Variants in PRKAG2 observed in about 807,000 individuals in gnomAD.
PRKAG2 encodes protein kinase AMP-activated non-catalytic subunit gamma 2, also known as 5'-AMP-activated protein kinase subunit gamma-2.
A neutral mutation model predicts 69.6 loss-of-function variants in PRKAG2; 26 were observed. The ratio of observed to expected loss-of-function variants is 0.37; its 90% CI spans 0.27 to 0.52. The LOEUF is 0.52. Among genes scored for constraint, PRKAG2 ranks in the 20% least tolerant of loss-of-function variants. The pLI, the probability that PRKAG2 is intolerant of heterozygous loss-of-function variation, is 0.90. For synonymous variants in PRKAG2, 293 were observed against 285.0 expected (o/e 1.03, Z -0.28); for missense variants, 557 against 740.0 (o/e 0.75, Z 2.87).
chr7:151,702,730 T>C (rs1390817737), intron 3 of PRKAG2, among the ~76,000 whole-genome samples: 1 of 152,298 alleles, frequency 6.6e-6, no homozygotes, highest in Admixed American at 6.5e-5. Flanking sequence ...GACTCTAGCA[T>C]GAATTAATGA....
rs1308083396 is a variant in PRKAG2, at chr7:151,807,179, C to G, written c.115-20638G>C. 8.2e-6 allele frequency: 3 copies of G among 367,956 alleles called. No homozygotes were observed. Among genetic ancestry groups the G allele is most frequent in the African/African-American group, 6.4e-5 (3 of 46,994 alleles). 22.8% of individuals were successfully genotyped at this position (367,956 alleles called of 1,614,324 possible). A position where few individuals can be genotyped will look rare whatever the true frequency, so the allele number is the denominator to read the frequency against. ...GTCACATGACTGTGCACACTTACGACAACCCATCTAATTGTATACTGTCAG... is the reference window on the plus strand; with the variant it reads ...GTCACATGACTGTGCACACTTACGAGAACCCATCTAATTGTATACTGTCAG... On this transcript the variant is annotated intron_variant, in intron 1 of 15. Coordinates refer to ENST00000287878, the MANE Select transcript of PRKAG2 (RefSeq NM_016203.4). This position sits in a 1 kb window ranked among gnomAD's most constrained non-coding sequence, Gnocchi z 4.4.
rs1221525522 is a variant in PRKAG2 at position 151,632,905 on chromosome 7, C to A, written c.685-767G>T. 1 of 152,230 alleles carries A rather than the reference C, an allele frequency of 6.6e-6. No individual in the cohort carries two copies. The highest frequency in any genetic ancestry group is 1.5e-5 in the Non-Finnish European group (1 of 68,068). The allele number at this position is 152,230 out of a possible 1,614,324, so 9.4% of individuals were successfully genotyped here. The stretch of plus-strand genomic sequence containing the variant: ...AGCCGCTGCCAAAAACGTACACACC[C>A]TGAATCTGGCCCTGGCCGCTCAGGA... On this transcript the variant is annotated intron_variant, in intron 4 of 15. Coordinates refer to ENST00000287878, the MANE Select transcript of PRKAG2 (RefSeq NM_016203.4). The surrounding 1 kb of genome is among the most constrained non-coding windows in gnomAD (Gnocchi z 4.2).
rs536136471 is a variant in PRKAG2 at position 151,776,931 on chromosome 7, G to A, written c.466+4221C>T. On this transcript the variant is annotated intron_variant, in intron 3 of 15. Coordinates refer to ENST00000287878, the MANE Select transcript of PRKAG2 (RefSeq NM_016203.4). ...GGGGCCTCACAGTCTCTGCTTCTGA[G>A]CCCCAGCCTCATCCCCAGGACCCCT... 3.1e-3 allele frequency among the ~76,000 whole-genome samples: 473 copies of A among 152,266 alleles called. 2 individuals carry two copies. Among genetic ancestry groups the A allele is most frequent in the African/African-American group, 0.011 (446 of 41,554 alleles).
intron 5 of PRKAG2, among the ~76,000 whole-genome samples, chr7:151,621,605 C>T (rs75227965): frequency 0.023 from 3,477 of 152,302 alleles, 133 homozygotes; most frequent in African/African-American, 0.079. Context: ...AGTGTACCAT[C>T]TCTGTTGCCC....
intron 3 of PRKAG2, among the ~76,000 whole-genome samples, chr7:151,691,145 G>A (rs992395771): frequency 1.6e-4 from 24 of 152,110 alleles, no homozygotes; most frequent in African/African-American, 4.6e-4. Context: ...GCAAGTCCCC[G>A]ATATAAAATG....
At chr7:151,747,918 CTTTTTTTTTT>C (rs34915377) in intron 3 of PRKAG2, among the ~76,000 whole-genome samples, 8 of 114,238 alleles carry the variant, frequency 7.0e-5, no homozygotes, top group East Asian at 2.5e-4. Flanking sequence ...AAAAAACTTA[CTTTTTTTTTT>C]TTTTTTTTTT....
At chr7:151,617,266 A>AGGAG (rs144872514) in intron 5 of PRKAG2, among the ~76,000 whole-genome samples, 27,441 of 96,052 alleles carry the variant, frequency 0.29, 4,475 homozygotes, top group African/African-American at 0.38. Flanking sequence ...GAGCGAGGGA[A>AGGAG]GGAGGGAGGG....
intron 3 of PRKAG2, among the ~76,000 whole-genome samples, chr7:151,752,257 T>A (rs2074743475): frequency 6.6e-6 from 1 of 152,218 alleles, no homozygotes; most frequent in Non-Finnish European, 1.5e-5. Context: ...TGAGGGAACA[T>A]GGATGGAGCT....
Position 151,777,956 on chromosome 7 carries a change from C to T in PRKAG2, c.466+3196G>A, listed in dbSNP as rs1264478569. On this transcript the variant is annotated intron_variant, in intron 3 of 15. Coordinates refer to ENST00000287878, the MANE Select transcript of PRKAG2 (RefSeq NM_016203.4). This position sits in a 1 kb window ranked among gnomAD's most constrained non-coding sequence, Gnocchi z 4.3. The stretch of plus-strand genomic sequence containing the variant: ...ATGGAGCCAGAGGTCACAAGACTTG[C>T]AACTTCCCCAGTTGCTCCTGTAGAT... Among the ~76,000 whole-genome samples the T allele has an allele frequency of 6.6e-6, 1 of 152,156 alleles. No individual in the cohort carries two copies. Among genetic ancestry groups the T allele is most frequent in the Non-Finnish European group, 1.5e-5 (1 of 68,030 alleles).
chr7:151,619,103 G>A (rs1820871028), intron 5 of PRKAG2, among the ~76,000 whole-genome samples: 2 of 152,166 alleles, frequency 1.3e-5, no homozygotes, highest in East Asian at 1.9e-4. Context: ...GGAAAGTCAC[G>A]GACAAAGCAA....
At position 151,556,883 on chromosome 7, in the gene PRKAG2, C is replaced by A; in HGVS notation, c.*318G>T. ...GAACATACCGTGCACTCACCTTATGCCACATCACCTGTTCCATACCAGTGA... is the reference window on the plus strand; with the variant it reads ...GAACATACCGTGCACTCACCTTATGACACATCACCTGTTCCATACCAGTGA... On this transcript the variant is annotated 3_prime_UTR_variant, in exon 16 of 16. Coordinates refer to ENST00000287878, the MANE Select transcript of PRKAG2 (RefSeq NM_016203.4). 2.5e-6 allele frequency: 1 copy of A among 404,728 alleles called. No homozygotes were observed. Among genetic ancestry groups the A allele is most frequent in the South Asian group, 2.2e-5 (1 of 46,042 alleles). The allele number at this position is 404,728 out of a possible 1,614,324, so 25.1% of individuals were successfully genotyped here. A position where few individuals can be genotyped will look rare whatever the true frequency, so the allele number is the denominator to read the frequency against.
At chr7:151,811,862 T>G (rs1227813845) in intron 1 of PRKAG2, among the ~76,000 whole-genome samples, 1 of 152,180 alleles carries the variant, frequency 6.6e-6, no homozygotes, top group African/African-American at 2.4e-5. Context: ...ATAAGTACAG[T>G]TGGAGGGACA....
intron 9 of PRKAG2, 28 bp from the exon 10 acceptor site, chr7:151,570,253 T>C: frequency 6.3e-7 from 1 of 1,593,588 alleles, no homozygotes; most frequent in South Asian, 1.1e-5. Flanking sequence ...AAATATGCAG[T>C]TAGTAACACA....
At chr7:151,597,829 C>CA (rs1341572721) in intron 5 of PRKAG2, among the ~76,000 whole-genome samples, 1 of 150,170 alleles carries the variant, frequency 6.7e-6, no homozygotes, top group African/African-American at 2.4e-5. Flanking sequence ...AGCCCCCCCC[C>CA]CCGCTCTTTT....
In PRKAG2 at chr7:151,876,499, G is replaced by A. The variant is rs1424060693; in HGVS notation, c.114+8C>T. ...CTGGGGAGCAGGGGACCGAGTGCTG[G>A]GACTCACCGGAATGTGCACGCGCAG... On this transcript the variant is annotated splice_region_variant and intron_variant, in intron 1 of 15. Transcript: ENST00000287878. 1.0e-5 allele frequency: 16 copies of A among 1,603,190 alleles called. No individual in the cohort carries two copies. The highest frequency in any genetic ancestry group is 1.4e-5 in the Non-Finnish European group (16 of 1,178,250).
At position 151,686,747 on chromosome 7, in the gene PRKAG2, G is replaced by C. The variant is rs1834806117; in HGVS notation, c.467-11110C>G. Among the ~76,000 whole-genome samples the C allele has an allele frequency of 3.3e-5, 5 of 152,288 alleles. No individual in the cohort carries two copies. In the South Asian group the frequency reaches 1.0e-3, roughly 32 times the overall value. ...TTATAGCTGAATGGCCCTGGCCCTA[G>C]CTGAGCTCACTCTCAATTCATATTT... is the stretch of plus-strand genomic sequence containing the variant. On this transcript the variant is annotated intron_variant, in intron 3 of 15. Coordinates refer to ENST00000287878, the MANE Select transcript of PRKAG2 (RefSeq NM_016203.4).
At chr7:151,633,335 A>G (rs922630364) in intron 4 of PRKAG2, among the ~76,000 whole-genome samples, 1 of 152,140 alleles carries the variant, frequency 6.6e-6, no homozygotes, top group African/African-American at 2.4e-5. Flanking sequence ...TGTTTTCCCT[A>G]TGAAGTTCAG....
intron 5 of PRKAG2, among the ~76,000 whole-genome samples, chr7:151,601,784 C>T (rs1024340281): frequency 6.6e-6 from 1 of 152,210 alleles, no homozygotes; most frequent in African/African-American, 2.4e-5. Flanking sequence ...ATCCACTGTG[C>T]GAGAGGCGGG....
At chr7:151,576,977 T>A (rs1313742793) in intron 6 of PRKAG2, among the ~76,000 whole-genome samples, 1 of 103,334 alleles carries the variant, frequency 9.7e-6, no homozygotes, top group Non-Finnish European at 1.9e-5. Context: ...AATAATGCAA[T>A]TAACTTCTTT....
Sources: allele counts gnomAD v4.1 joint callset (sites outside exome capture counted in the v4.1 genomes callset), GRCh38; gene constraint gnomAD v4.1.1; non-coding constraint Gnocchi (gnomAD v3.1); transcripts MANE v1.5; gene names NCBI Gene and HGNC (gene_info 2026-07-23, HGNC 2026-07-21).